The following LRRC8D variants were observed in gnomAD, a reference collection of about 807,000 sequenced individuals.
The protein encoded by LRRC8D is volume-regulated anion channel subunit LRRC8D.
Under a neutral mutation model 55.8 loss-of-function variants are expected in LRRC8D, and 20 were observed. The ratio of observed to expected loss-of-function variants is 0.36; its 90% CI spans 0.25 to 0.52. The LOEUF (loss-of-function observed/expected upper bound fraction) is 0.52. Among genes scored for constraint, LRRC8D ranks in the 20% least tolerant of loss-of-function variants. The pLI is 0.93. For missense variants in LRRC8D, 651 were observed against 1,030.8 expected (o/e 0.63, Z 5.05); for synonymous variants, 352 against 377.0 (o/e 0.93, Z 0.77).
In LRRC8D at chr1:89,934,991, A is replaced by G; in HGVS notation, c.1923A>G (p.Glu641=). The change falls in exon 3 of 3, where the codon GAA becomes GAG. Residue 641 remains glutamate, a synonymous_variant. Transcript: ENST00000337338. This position sits in a 1 kb window ranked among gnomAD's most constrained non-coding sequence, Gnocchi z 5.9. Reference sequence around the variant, plus strand: ...AAATGATGAATGTCGCTGAGCTGGAACTCCAGAACTGTGAGCTAGAGAGAA... The same window carrying G: ...AAATGATGAATGTCGCTGAGCTGGAGCTCCAGAACTGTGAGCTAGAGAGAA... ...LKKMMNVAEL[E]LQNCELERIP... 1.2e-6 allele frequency: 2 copies of G among 1,614,096 alleles called. No individual in the cohort carries two copies. The highest frequency in any genetic ancestry group is 1.7e-6 in the Non-Finnish European group (2 of 1,180,018).
At chr1:89,841,308 G>A (rs554242291) in intron 1 of LRRC8D, among the ~76,000 whole-genome samples, 1 of 152,174 alleles carries the variant, frequency 6.6e-6, no homozygotes, top group Middle Eastern at 3.4e-3. Context: ...GGTCATCTGG[G>A]TGCACTACAA....
chr1:89,900,699 G>A (rs940223119), intron 2 of LRRC8D, among the ~76,000 whole-genome samples: 3 of 152,194 alleles, frequency 2.0e-5, no homozygotes, highest in African/African-American at 4.8e-5. Context: ...GGTCCACAGA[G>A]CACTGAAGAT....
At chr1:89,893,623 A>G (rs1194974776) in intron 2 of LRRC8D, among the ~76,000 whole-genome samples, 1 of 152,166 alleles carries the variant, frequency 6.6e-6, no homozygotes, top group Non-Finnish European at 1.5e-5. Flanking sequence ...AGTGGAACCC[A>G]TCTATATTGT....
At chr1:89,842,742 A>G (rs1661166981) in intron 1 of LRRC8D, among the ~76,000 whole-genome samples, 1 of 152,192 alleles carries the variant, frequency 6.6e-6, no homozygotes, top group African/African-American at 2.4e-5. Flanking sequence ...ACTCTTTTTA[A>G]CACTGTACTG....
chr1:89,930,767 T>C (rs538856305), intron 2 of LRRC8D, among the ~76,000 whole-genome samples: 1 of 151,236 alleles, frequency 6.6e-6, no homozygotes, highest in Non-Finnish European at 1.5e-5. Context: ...CTGTGTTTTG[T>C]GCATTCTAGA....
rs1663125572 is a variant in LRRC8D at position 89,911,168 on chromosome 1, AT to A, written c.-2-21894del. Among the ~76,000 whole-genome samples the A allele has an allele frequency of 1.4e-4, 21 of 144,882 alleles. No homozygotes were observed. In the South Asian group the frequency reaches 4.3e-3, roughly 30 times the overall value. ...GAGCTACTCACTCATATGTCCATGCATTTTTGGGGTTTTTTTTTTTTTAGTT... is the reference window on the plus strand; with the variant it reads ...GAGCTACTCACTCATATGTCCATGCATTTTGGGGTTTTTTTTTTTTTAGTT... On this transcript the variant is annotated intron_variant, in intron 2 of 2. Transcript: ENST00000337338. The surrounding 1 kb of genome is among the most constrained non-coding windows in gnomAD (Gnocchi z 4.0).
At chr1:89,873,890 T>C (rs1662084645) in intron 2 of LRRC8D, among the ~76,000 whole-genome samples, 1 of 152,238 alleles carries the variant, frequency 6.6e-6, no homozygotes, top group East Asian at 1.9e-4. Flanking sequence ...TTTTTCCTCA[T>C]CAGCTGCCTA....
chr1:89,835,663 A>G (rs985840558), intron 1 of LRRC8D, among the ~76,000 whole-genome samples: 8 of 152,198 alleles, frequency 5.3e-5, no homozygotes, highest in African/African-American at 9.7e-5. Context: ...CTTTCTAGCC[A>G]TGGGAACATG....
At chr1:89,829,431 G>A (rs1660836037) in intron 1 of LRRC8D, among the ~76,000 whole-genome samples, 1 of 152,142 alleles carries the variant, frequency 6.6e-6, no homozygotes, top group Admixed American at 6.5e-5. Context: ...ACATAGAAGT[G>A]GCGGAGGTGG....
chr1:89,888,001 G>A lies in LRRC8D; in HGVS notation c.-3+44219G>A, dbSNP rs138547711. Among the ~76,000 whole-genome samples, 23 of 152,258 alleles carry A rather than the reference G, an allele frequency of 1.5e-4. No homozygotes were observed. The East Asian group carries it at 3.3e-3, about 22-fold the overall frequency. ...GATGTAAAAAGGCACCAAGGGAGAC[G>A]TGACACTGTGCATTTGTCAAAACCC... On this transcript the variant is annotated intron_variant, in intron 2 of 2. Coordinates refer to ENST00000337338, the MANE Select transcript of LRRC8D (RefSeq NM_001134479.2).
chr1:89,860,785 A>ATTATATATAT (rs59411711), intron 2 of LRRC8D, among the ~76,000 whole-genome samples: 1 of 28,180 alleles, frequency 3.5e-5, no homozygotes, highest in East Asian at 9.9e-4. Context: ...AAAAAAAAAA[A>ATTATATATAT]ATATATATAT....
chr1:89,845,259 A>T (rs936446385), intron 2 of LRRC8D, among the ~76,000 whole-genome samples: 3 of 152,220 alleles, frequency 2.0e-5, no homozygotes, highest in Admixed American at 6.5e-5. Flanking sequence ...TTGAGTACAA[A>T]ACATGTAATC....
chr1:89,837,379 C>T (rs1423381019), intron 1 of LRRC8D, among the ~76,000 whole-genome samples: 6 of 152,196 alleles, frequency 3.9e-5, no homozygotes, highest in African/African-American at 2.4e-5. Context: ...TCACCCCACT[C>T]CTCCCCACTT....
chr1:89,861,111 G>T (rs1661708105), intron 2 of LRRC8D, among the ~76,000 whole-genome samples: 1 of 152,074 alleles, frequency 6.6e-6, no homozygotes, highest in Non-Finnish European at 1.5e-5. Flanking sequence ...CAAGGGAGTA[G>T]AGAGATTTGA....
In LRRC8D at chr1:89,933,180, G is replaced by T; in HGVS notation, c.112G>T (p.Val38Leu). ...TTACCTAGCTGTTGTTATGTTAATG[G>T]TAGCCATCTTTGCAGGAACCATGCA... Reference protein sequence around the residue: ...MDYLAVVMLMVAIFAGTMQLT... With the variant: ...MDYLAVVMLMLAIFAGTMQLT... The change falls in exon 3 of 3, where the codon GTA (valine) becomes TTA (leucine). Residue 38 changes from valine to leucine, a missense_variant. Physicochemically the swap from Val to Leu is conservative, Grantham distance 32. Around this residue, in one of 5 missense-constraint regions of LRRC8D, gnomAD observed 118 missense variants for 138.0 expected, o/e 0.85. Coordinates refer to ENST00000337338, the MANE Select transcript of LRRC8D (RefSeq NM_001134479.2). The surrounding 1 kb of genome is among the most constrained non-coding windows in gnomAD (Gnocchi z 7.0). 1.2e-6 allele frequency: 2 copies of T among 1,614,170 alleles called. No individual in the cohort carries two copies. The highest frequency in any genetic ancestry group is 1.7e-6 in the Non-Finnish European group (2 of 1,180,034).
At chr1:89,846,012 C>A (rs1402625991) in intron 2 of LRRC8D, among the ~76,000 whole-genome samples, 1 of 152,122 alleles carries the variant, frequency 6.6e-6, no homozygotes, top group African/African-American at 2.4e-5. Context: ...AACTCCTCAC[C>A]CCATGATCCA....
chr1:89,869,178 AT>A (rs1319167064), intron 2 of LRRC8D, among the ~76,000 whole-genome samples: 24 of 152,248 alleles, frequency 1.6e-4, no homozygotes, highest in African/African-American at 5.8e-4. Context: ...AAGTGCTGAG[AT>A]TACAGGTGTG....
Position 89,842,145 on chromosome 1 carries a change from G to A in LRRC8D, c.-147-1493G>A, listed in dbSNP as rs142379578. On this transcript the variant is annotated intron_variant, in intron 1 of 2. Transcript: ENST00000337338. Reference sequence around the variant, plus strand: ...GGAGAATCGTTTGAACCCGAGAGGCGGAGGTTGCAGTGAGCCGAGATCACG... The same window carrying A: ...GGAGAATCGTTTGAACCCGAGAGGCAGAGGTTGCAGTGAGCCGAGATCACG... Among the ~76,000 whole-genome samples, 1,318 of 151,358 alleles carry A rather than the reference G, an allele frequency of 8.7e-3. 26 individuals are homozygous for A. The highest frequency in any genetic ancestry group is 0.03 in the African/African-American group (1,230 of 41,198).
intron 1 of LRRC8D, among the ~76,000 whole-genome samples, chr1:89,832,169 G>T (rs536660639): frequency 3.3e-5 from 5 of 152,280 alleles, no homozygotes; most frequent in African/African-American, 1.2e-4. Context: ...AGTTTTATTT[G>T]CTTTTCTGGG....
Sources: gnomAD v4.1 joint callset for allele counts (sites outside exome capture counted in the v4.1 genomes callset) on GRCh38, gnomAD v4.1.1 for gene constraint, gnomAD v4.1.1 regional missense constraint, Gnocchi (gnomAD v3.1) non-coding constraint, MANE v1.5 for transcripts, NCBI Gene and HGNC (gene_info 2026-07-23, HGNC 2026-07-21) for gene names.